Variants in MARCHF3 observed in about 807,000 individuals in gnomAD.
The protein encoded by MARCHF3 is membrane associated ring-CH-type finger 3.
A neutral mutation model predicts 24.2 loss-of-function variants in MARCHF3; 13 were observed. That is an observed-to-expected ratio of 0.54 (90% CI 0.35 to 0.85). The LOEUF (loss-of-function observed/expected upper bound fraction) is 0.85, where lower values mean the gene tolerates loss of function less well. MARCHF3 is among the 40% of genes least tolerant of loss of function. MARCHF3 has a pLI of 0.01. For synonymous variants in MARCHF3, 144 were observed against 137.3 expected, an observed-to-expected ratio of 1.05 and a Z score of -0.34; for missense variants, 276 against 325.0, an observed-to-expected ratio of 0.85 and a Z score of 1.16.
intron 3 of MARCHF3, 92 bp from the exon 4 acceptor site, chr5:126,878,486 T>A: frequency 7.6e-7 from 1 of 1,318,024 alleles, no homozygotes; most frequent in Non-Finnish European, 1.0e-6. Context: ...ATCTTTGCCT[T>A]CAGAACCTTG....
chr5:126,916,010 T>C (rs1226028518), intron 2 of MARCHF3, among the ~76,000 whole-genome samples: 1 of 152,176 alleles, frequency 6.6e-6, no homozygotes, highest in Non-Finnish European at 1.5e-5. Context: ...AGTGAGCATG[T>C]GAAAAGATAG....
intron 1 of MARCHF3, among the ~76,000 whole-genome samples, chr5:126,975,093 A>C (rs1751149094): frequency 6.6e-6 from 1 of 152,148 alleles, no homozygotes; most frequent in Non-Finnish European, 1.5e-5. Context: ...AGTAGCTGGG[A>C]CTATAGGCGC....
At chr5:126,891,202 G>T (rs1580606415) in intron 3 of MARCHF3, among the ~76,000 whole-genome samples, 1 of 151,728 alleles carries the variant, frequency 6.6e-6, no homozygotes, top group Admixed American at 6.6e-5. Context: ...TTTGTCAGAT[G>T]AGTAGGTTGG....
chr5:126,953,706 T>A (rs1750329882), intron 1 of MARCHF3, among the ~76,000 whole-genome samples: 1 of 152,226 alleles, frequency 6.6e-6, no homozygotes, highest in Admixed American at 6.5e-5. Context: ...GTTCAAAATT[T>A]CATAAGGAGT....
chr5:126,949,011 T>C (rs1479942124), intron 1 of MARCHF3, among the ~76,000 whole-genome samples: 1 of 152,144 alleles, frequency 6.6e-6, no homozygotes, highest in Non-Finnish European at 1.5e-5. Context: ...GAAAAAAAAC[T>C]TCCTTAGTAA....
At chr5:126,921,469 C>G (rs993228100) in intron 1 of MARCHF3, among the ~76,000 whole-genome samples, 1 of 147,232 alleles carries the variant, frequency 6.8e-6, no homozygotes, top group African/African-American at 2.7e-5. Flanking sequence ...ATATGTTGCA[C>G]CTGGGGCAGT....
At chr5:126,898,177 C>T (rs562045086) in intron 3 of MARCHF3, among the ~76,000 whole-genome samples, 1 of 152,112 alleles carries the variant, frequency 6.6e-6, no homozygotes, top group Non-Finnish European at 1.5e-5. Context: ...TGAAATTGTA[C>T]ACTTTAAATG....
In MARCHF3 at chr5:126,878,280, C is replaced by T. The variant is rs556119219; in HGVS notation, c.508G>A (p.Ala170Thr). The T allele has an allele frequency of 2.2e-5, 35 of 1,614,246 alleles. 1 individual carries two copies. Among genetic ancestry groups the T allele is most frequent in the South Asian group, 7.7e-5 (7 of 91,090 alleles). ...TISGWLCLRG[A>T]VDHLHFSSRL... is the part of the protein sequence containing the mutation. ...CTACTAAAGTGCAGGTGGTCCACGGCGCCCCGCAGGCACAGCCAGCCCGAG... is the reference window on the plus strand; with the variant it reads ...CTACTAAAGTGCAGGTGGTCCACGGTGCCCCGCAGGCACAGCCAGCCCGAG... Residue 170 changes from alanine (A) to threonine (T), a missense_variant, in exon 4 of 5, where the codon GCC (alanine) becomes ACC (threonine). Physicochemically the swap from Ala to Thr is moderately conservative, Grantham distance 58. Coordinates refer to ENST00000308660, the MANE Select transcript of MARCHF3 (RefSeq NM_178450.5).
chr5:126,945,599 G>A (rs1212113763), intron 1 of MARCHF3, among the ~76,000 whole-genome samples: 1 of 152,198 alleles, frequency 6.6e-6, no homozygotes, highest in African/African-American at 2.4e-5. Context: ...GGAGGGAGAA[G>A]AGGAGAATGA....
intron 1 of MARCHF3, among the ~76,000 whole-genome samples, chr5:126,972,957 T>C (rs1317417998): frequency 6.6e-6 from 1 of 152,256 alleles, no homozygotes; most frequent in Non-Finnish European, 1.5e-5. Flanking sequence ...AATGTCTCTA[T>C]ATCACATGAT....
intron 1 of MARCHF3, among the ~76,000 whole-genome samples, chr5:126,991,629 G>C (rs913780200): frequency 6.6e-6 from 1 of 151,994 alleles, no homozygotes; most frequent in Non-Finnish European, 1.5e-5. Context: ...GCTGAGGCAG[G>C]AGAATCGCTT....
intron 1 of MARCHF3, among the ~76,000 whole-genome samples, chr5:126,920,304 C>G (rs954231191): frequency 6.6e-6 from 1 of 152,096 alleles, no homozygotes; most frequent in Non-Finnish European, 1.5e-5. Context: ...TGTTAAAAGA[C>G]CGTCCTCTTC....
At chr5:126,953,173 C>A (rs1163231660) in intron 1 of MARCHF3, among the ~76,000 whole-genome samples, 1 of 152,116 alleles carries the variant, frequency 6.6e-6, no homozygotes, top group South Asian at 2.1e-4. Context: ...GTTCTAATTG[C>A]CTTTTTTTCT....
intron 1 of MARCHF3, among the ~76,000 whole-genome samples, chr5:126,991,483 C>T (rs113309544): frequency 4.6e-5 from 7 of 152,042 alleles, no homozygotes; most frequent in Admixed American, 4.6e-4. Flanking sequence ...ACCAACATGG[C>T]ACATGTATAC....
chr5:126,939,495 C>T (rs554350668), intron 1 of MARCHF3, among the ~76,000 whole-genome samples: 1 of 152,248 alleles, frequency 6.6e-6, no homozygotes, highest in East Asian at 1.9e-4. Flanking sequence ...TTTTGGAACA[C>T]AGTATTAGTA....
At chr5:126,895,843 G>C (rs1316406757) in intron 3 of MARCHF3, among the ~76,000 whole-genome samples, 4 of 152,290 alleles carry the variant, frequency 2.6e-5, no homozygotes, top group African/African-American at 9.6e-5. Context: ...GCTCCACCCA[G>C]TTGGAGCTTC....
chr5:126,893,298 GCT>G (rs1753761747), intron 3 of MARCHF3, among the ~76,000 whole-genome samples: 1 of 151,162 alleles, frequency 6.6e-6, no homozygotes, highest in Admixed American at 6.6e-5. Flanking sequence ...CTTCAGTTCT[GCT>G]CTGATTTTAG....
At chr5:126,904,427 C>T (rs1243882865) in intron 3 of MARCHF3, among the ~76,000 whole-genome samples, 3 of 147,484 alleles carry the variant, frequency 2.0e-5, no homozygotes, top group Non-Finnish European at 3.0e-5. Context: ...TACAGTCCCA[C>T]CAACAGTGTA....
At chr5:126,894,656 C>T (rs867791969) in intron 3 of MARCHF3, among the ~76,000 whole-genome samples, 3,766 of 151,976 alleles carry the variant, frequency 0.025, 157 homozygotes, top group African/African-American at 0.087. Flanking sequence ...CCGAGAGATC[C>T]GCTGTTAGTC....
Sources: allele counts gnomAD v4.1 joint callset (sites outside exome capture counted in the v4.1 genomes callset), GRCh38; gene constraint gnomAD v4.1.1; transcripts MANE v1.5; gene names NCBI Gene and HGNC (gene_info 2026-07-23, HGNC 2026-07-21).